The following CD40 variants were observed in gnomAD, a reference collection of about 807,000 sequenced individuals.
CD40 encodes the protein tumor necrosis factor receptor superfamily member 5.
Under a neutral mutation model 38.5 loss-of-function variants are expected in CD40, and 19 were observed. The observed-to-expected ratio is 0.49, with a 90% CI of 0.34 to 0.72. The LOEUF (loss-of-function observed/expected upper bound fraction) is 0.72, where lower values mean the gene tolerates loss of function less well. CD40 is among the 30% of genes least tolerant of loss of function. CD40 has a pLI of 0.01. For synonymous variants in CD40, 130 were observed against 128.7 expected, an observed-to-expected ratio of 1.01 and a Z score of -0.07; for missense variants, 256 against 344.1, an observed-to-expected ratio of 0.74 and a Z score of 2.03.
At position 46,129,138 on chromosome 20, in the gene CD40, C is replaced by A. The variant is rs770653224; in HGVS notation, c.*98C>A. 9 of 1,389,226 alleles carry A rather than the reference C, an allele frequency of 6.5e-6. No individual in the cohort carries two copies. The highest frequency in any genetic ancestry group is 3.4e-5 in the Admixed American group (2 of 58,600). 86.1% of individuals were successfully genotyped at this position (1,389,226 alleles called of 1,614,324 possible). A position where few individuals can be genotyped will look rare whatever the true frequency, so the allele number is the denominator to read the frequency against. ...CTGTGGCGTGAGGGTGAGGGGCTGGCACTGACTGGGCATAGCTCCCCGCTT... is the reference window on the plus strand; with the variant it reads ...CTGTGGCGTGAGGGTGAGGGGCTGGAACTGACTGGGCATAGCTCCCCGCTT... On this transcript the variant is annotated 3_prime_UTR_variant, in exon 9 of 9. Transcript: ENST00000372285.
chr20:46,125,801 G>A (rs1217433397), intron 5 of CD40, among the ~76,000 whole-genome samples: 6 of 152,078 alleles, frequency 3.9e-5, no homozygotes, highest in Admixed American at 6.5e-5. Flanking sequence ...TAGTGAAGTC[G>A]CCTGGTTGGA....
chr20:46,126,366 A>T (rs997126677), intron 5 of CD40, among the ~76,000 whole-genome samples: 2 of 152,172 alleles, frequency 1.3e-5, no homozygotes, highest in African/African-American at 4.8e-5. Flanking sequence ...GCCTACCTAG[A>T]TCACAAAGCT....
chr20:46,119,972 T>C (rs1390399040), intron 1 of CD40, among the ~76,000 whole-genome samples: 1 of 152,182 alleles, frequency 6.6e-6, no homozygotes, highest in Non-Finnish European at 1.5e-5. Flanking sequence ...TCAAGGACTT[T>C]CCTATCTTTG....
Position 46,121,894 on chromosome 20 carries a change from G to T in CD40, c.126G>T (p.Gln42His). 6.2e-7 allele frequency: 1 copy of T among 1,613,662 alleles called. No homozygotes were observed. Among genetic ancestry groups the T allele is most frequent in the Non-Finnish European group, 8.5e-7 (1 of 1,179,544 alleles). ...ACAGTCAGTGCTGTTCTTTGTGCCA[G>T]CCAGGTGAGATGCCAACCCTCTAGC... ...LINSQCCSLC[Q>H]PGQKLVSDCT... The change falls in exon 2 of 9, where the codon CAG becomes CAT. Residue 42 changes from glutamine to histidine, a missense_variant. By Grantham distance (24) the Gln-to-His change is conservative. Transcript: ENST00000372285.
chr20:46,127,114 C>T (rs1342422313), intron 6 of CD40: 1 of 208,066 alleles, frequency 4.8e-6, no homozygotes, highest in Non-Finnish European at 1.0e-5. Context: ...TGCACATGTA[C>T]CCTAAAGCTT....
intron 8 of CD40, 145 bp downstream of exon 8, chr20:46,128,503 C>T: frequency 1.2e-6 from 1 of 854,736 alleles, no homozygotes; most frequent in Non-Finnish European, 1.9e-6. Context: ...TCATCCCCAC[C>T]CACCATGCTC....
intron 8 of CD40, 157 bp from the exon 9 acceptor site, chr20:46,128,725 G>A: frequency 1.3e-6 from 1 of 760,046 alleles, no homozygotes. Context: ...CCTTGGTGTG[G>A]CCAGCAGGGG....
chr20:46,121,786 A>G, intron 1 of CD40, 34 bp from the exon 2 acceptor site: 6 of 1,548,938 alleles, frequency 3.9e-6, no homozygotes, highest in Non-Finnish European at 5.4e-6. Flanking sequence ...CGGAGATTTC[A>G]AGATCCCTTC....
Position 46,122,047 on chromosome 20 carries a change from C to T in CD40, c.130+149C>T. ...TCAGAATGTTCTGGTTCCCTCTCTACCAGGTAAAACTCTGTCTACCCTGAA... is the reference window on the plus strand; with the variant it reads ...TCAGAATGTTCTGGTTCCCTCTCTATCAGGTAAAACTCTGTCTACCCTGAA... On this transcript the variant is annotated intron_variant, in intron 2 of 8. Coordinates refer to ENST00000372285, the MANE Select transcript of CD40 (RefSeq NM_001250.6). The surrounding 1 kb of genome is among the most constrained non-coding windows in gnomAD (Gnocchi z 5.0). 3 of 1,010,142 alleles carry T rather than the reference C, an allele frequency of 3.0e-6. No individual in the cohort carries two copies. Among genetic ancestry groups the T allele is most frequent in the Non-Finnish European group, 4.6e-6 (3 of 651,810 alleles). The allele number at this position is 1,010,142 out of a possible 1,614,324, so 62.6% of individuals were successfully genotyped here.
chr20:46,119,336 T>G (rs550462145), intron 1 of CD40, among the ~76,000 whole-genome samples: 2 of 152,172 alleles, frequency 1.3e-5, no homozygotes, highest in African/African-American at 4.8e-5. Flanking sequence ...GAATGACCCA[T>G]GGTATCAAGG....
In CD40 at chr20:46,122,650, A is replaced by G; in HGVS notation, c.297A>G (p.Thr99=). The G allele has an allele frequency of 6.2e-7, 1 of 1,614,160 alleles. No individual in the cohort carries two copies. Among genetic ancestry groups the G allele is most frequent in the Non-Finnish European group, 8.5e-7 (1 of 1,180,032 alleles). ...LRVQQKGTSE[T]DTICTCEEGW... ...TCCAGCAGAAGGGCACCTCAGAAAC[A>G]GACACCATCTGCACCTGTGAAGAAG... Residue 99 remains threonine, a synonymous_variant, in exon 4 of 9, where the codon ACA becomes ACG. Transcript: ENST00000372285. This position sits in a 1 kb window ranked among gnomAD's most constrained non-coding sequence, Gnocchi z 5.0.
chr20:46,123,545 G>A (rs1009448727), intron 5 of CD40, among the ~76,000 whole-genome samples: 2 of 152,124 alleles, frequency 1.3e-5, no homozygotes, highest in Non-Finnish European at 1.5e-5. Flanking sequence ...CACCTTACCT[G>A]GCTTTCTAGG....
rs1206248792 is a variant in CD40 at position 46,122,780 on chromosome 20, GT to G, written c.403+28del. On this transcript the variant is annotated intron_variant, in intron 4 of 8. Coordinates refer to ENST00000372285, the MANE Select transcript of CD40 (RefSeq NM_001250.6). This position sits in a 1 kb window ranked among gnomAD's most constrained non-coding sequence, Gnocchi z 5.0. ...TGGTAAGTGGCTCATCTGGGAATCA[GT>G]TTTGGAGGGGGACAGAGGAGCTTAG... The G allele has an allele frequency of 6.2e-7, 1 of 1,613,946 alleles. No homozygotes were observed. The highest frequency in any genetic ancestry group is 1.7e-5 in the Admixed American group (1 of 60,022).
rs11569328 is a variant in CD40 at position 46,125,922 on chromosome 20, T to C, written c.498-718T>C. Among the ~76,000 whole-genome samples the C allele has an allele frequency of 6.2e-3, 949 of 152,310 alleles. 14 individuals carry two copies. The highest frequency in any genetic ancestry group is 0.021 in the African/African-American group (891 of 41,568). On this transcript the variant is annotated intron_variant, in intron 5 of 8. Coordinates refer to ENST00000372285, the MANE Select transcript of CD40 (RefSeq NM_001250.6). The stretch of plus-strand genomic sequence containing the variant: ...TCCTAACACCATCCTGCATGCCACC[T>C]GCCTTATTTCCCCACATCACATCGT...
chr20:46,126,621 T>G lies in CD40; in HGVS notation c.498-19T>G, dbSNP rs200496543. ...TTCTTTCTCTGTGTGTGTGCATTTG[T>G]GCACGTGTCTGTGCATAGCTGTGAG... On this transcript the variant is annotated intron_variant, in intron 5 of 8. Coordinates refer to ENST00000372285, the MANE Select transcript of CD40 (RefSeq NM_001250.6). The G allele has an allele frequency of 6.2e-7, 1 of 1,614,128 alleles. No individual in the cohort carries two copies. The highest frequency in any genetic ancestry group is 1.7e-5 in the Admixed American group (1 of 60,026).
chr20:46,128,401 G>A (rs1171937383), intron 8 of CD40, 43 bp downstream of exon 8: 17 of 1,606,812 alleles, frequency 1.1e-5, no homozygotes, highest in Non-Finnish European at 1.4e-5. Flanking sequence ...TTGACAAACT[G>A]GGAAGATGGC....
At chr20:46,124,105 C>T (rs980295876) in intron 5 of CD40, among the ~76,000 whole-genome samples, 2 of 152,156 alleles carry the variant, frequency 1.3e-5, no homozygotes, top group Non-Finnish European at 2.9e-5. Context: ...CAAGACCAGC[C>T]AGCACAACAT....
intron 2 of CD40, 52 bp downstream of exon 2, chr20:46,121,950 G>T (rs547183856): frequency 1.4e-6 from 2 of 1,401,102 alleles, no homozygotes; most frequent in South Asian, 1.2e-5. Context: ...TGCTTTGGTG[G>T]CAGACGCAGA....
intron 8 of CD40, 134 bp from the exon 9 acceptor site, chr20:46,128,748 C>T (rs890813629): frequency 3.7e-5 from 34 of 920,408 alleles, no homozygotes; most frequent in African/African-American, 2.4e-4. Context: ...AGGAGGCACC[C>T]GAGGAATCAG....
Sources: gnomAD v4.1 joint callset for allele counts (sites outside exome capture counted in the v4.1 genomes callset) on GRCh38, gnomAD v4.1.1 for gene constraint, Gnocchi (gnomAD v3.1) non-coding constraint, MANE v1.5 for transcripts, NCBI Gene and HGNC (gene_info 2026-07-23, HGNC 2026-07-21) for gene names.